DCTN6: variants seen among roughly 807,000 people sequenced by gnomAD.
The protein encoded by DCTN6 is dynactin subunit 6.
A neutral mutation model predicts 25.8 loss-of-function variants in DCTN6; 15 were observed. The ratio of observed to expected loss-of-function variants is 0.58; its 90% CI spans 0.39 to 0.89. The LOEUF (loss-of-function observed/expected upper bound fraction) is 0.89, where lower values mean the gene tolerates loss of function less well. Among genes scored for constraint, DCTN6 ranks in the 40% least tolerant of loss-of-function variants. The pLI is 0.00. For synonymous variants in DCTN6, 64 were observed against 78.3 expected, an observed-to-expected ratio of 0.82 and a Z score of 0.96; for missense variants, 198 against 237.6, an observed-to-expected ratio of 0.83 and a Z score of 1.09.
chr8:30,161,621 T>G (rs1252604387), intron 1 of DCTN6, among the ~76,000 whole-genome samples: 2 of 152,222 alleles, frequency 1.3e-5, no homozygotes, highest in African/African-American at 4.8e-5. Flanking sequence ...TTTTTGTGCT[T>G]CTTCTCATTC....
At chr8:30,162,341 T>C (rs1269217805) in intron 1 of DCTN6, among the ~76,000 whole-genome samples, 2 of 152,158 alleles carry the variant, frequency 1.3e-5, no homozygotes, top group Non-Finnish European at 2.9e-5. Flanking sequence ...TCCACCCACC[T>C]TGGCCTCCCA....
At chr8:30,164,938 C>G (rs913391167) in intron 2 of DCTN6, among the ~76,000 whole-genome samples, 2 of 152,194 alleles carry the variant, frequency 1.3e-5, no homozygotes, top group Non-Finnish European at 2.9e-5. Flanking sequence ...ATGGCTAAGA[C>G]AATCTCATGG....
At chr8:30,172,250 A>G (rs1319711406) in intron 2 of DCTN6, among the ~76,000 whole-genome samples, 3 of 152,194 alleles carry the variant, frequency 2.0e-5, no homozygotes, top group African/African-American at 7.2e-5. Context: ...TTAATATAAA[A>G]TGAGATACTT....
intron 2 of DCTN6, among the ~76,000 whole-genome samples, chr8:30,166,304 G>GT (rs981212198): frequency 3.4e-4 from 47 of 138,534 alleles, no homozygotes; most frequent in East Asian, 8.4e-4. Flanking sequence ...CCCCGTTTTG[G>GT]TTTTTTTTTT....
intron 2 of DCTN6, among the ~76,000 whole-genome samples, chr8:30,169,968 T>C (rs1462827963): frequency 6.6e-6 from 1 of 151,928 alleles, no homozygotes; most frequent in Non-Finnish European, 1.5e-5. Flanking sequence ...AGCTCAAGAG[T>C]TTGAGACCAG....
chr8:30,166,240 C>T (rs573696064), intron 2 of DCTN6, among the ~76,000 whole-genome samples: 1 of 151,854 alleles, frequency 6.6e-6, no homozygotes, highest in South Asian at 2.1e-4. Flanking sequence ...TACTTCTTCC[C>T]CATTTTACAT....
At chr8:30,170,639 T>G (rs1016727079) in intron 2 of DCTN6, among the ~76,000 whole-genome samples, 8 of 152,016 alleles carry the variant, frequency 5.3e-5, no homozygotes, top group African/African-American at 1.9e-4. Context: ...GACTTGGGGT[T>G]GTTTTAATTT....
Position 30,183,401 on chromosome 8 carries a change from T to G in DCTN6, c.*228T>G, listed in dbSNP as rs1054875774. The G allele has an allele frequency of 8.8e-6, 3 of 339,768 alleles. No individual in the cohort carries two copies. Among genetic ancestry groups the G allele is most frequent in the African/African-American group, 6.4e-5 (3 of 46,690 alleles). The allele number at this position is 339,768 out of a possible 1,614,324, so 21.0% of individuals were successfully genotyped here. On this transcript the variant is annotated 3_prime_UTR_variant, in exon 7 of 7. Coordinates refer to ENST00000221114, the MANE Select transcript of DCTN6 (RefSeq NM_006571.4). The stretch of plus-strand genomic sequence containing the variant: ...GGTTCTTTTCTGATAATTTACAGAT[T>G]TAGCTTTTCTTTTGTTATATAAACT...
chr8:30,174,858 G>A (rs564563335), intron 2 of DCTN6, among the ~76,000 whole-genome samples: 9 of 152,328 alleles, frequency 5.9e-5, no homozygotes, highest in African/African-American at 1.7e-4. Context: ...AGCCAGAGCT[G>A]TCTGGCTCTA....
At chr8:30,182,752 G>A (rs1461047554) in intron 6 of DCTN6, among the ~76,000 whole-genome samples, 6 of 151,444 alleles carry the variant, frequency 4.0e-5, no homozygotes, top group South Asian at 2.1e-4. Context: ...GAGTGCAGTG[G>A]TGTAATCATG....
chr8:30,172,887 T>A lies in DCTN6; in HGVS notation c.89-2198T>A, dbSNP rs374224032. On this transcript the variant is annotated intron_variant, in intron 2 of 6. Transcript: ENST00000221114. ...TTTTATATATGTATCTATGTGAATA[T>A]GTGTTATATATGCATATATATTTTT... Among the ~76,000 whole-genome samples the A allele has an allele frequency of 6.0e-4, 91 of 152,328 alleles. 1 individual carries two copies. Among genetic ancestry groups the A allele is most frequent in the African/African-American group, 2.2e-3 (91 of 41,574 alleles).
At chr8:30,162,206 C>G (rs1200990398) in intron 1 of DCTN6, among the ~76,000 whole-genome samples, 2 of 152,174 alleles carry the variant, frequency 1.3e-5, no homozygotes, top group Non-Finnish European at 2.9e-5. Context: ...TCTCCTGCCT[C>G]AGCCTCCCCA....
At chr8:30,166,961 G>A (rs189098252) in intron 2 of DCTN6, among the ~76,000 whole-genome samples, 1 of 151,244 alleles carries the variant, frequency 6.6e-6, no homozygotes, top group East Asian at 1.9e-4. Context: ...GGAAGGGAGG[G>A]AGGAAGGGAA....
At chr8:30,159,057 C>T (rs1225869597) in intron 1 of DCTN6, among the ~76,000 whole-genome samples, 1 of 152,166 alleles carries the variant, frequency 6.6e-6, no homozygotes, top group African/African-American at 2.4e-5. Context: ...GGTGGGATTA[C>T]AGGCGTGAGC....
At chr8:30,161,652 G>A (rs1015757391) in intron 1 of DCTN6, among the ~76,000 whole-genome samples, 2 of 152,210 alleles carry the variant, frequency 1.3e-5, no homozygotes, top group Admixed American at 1.3e-4. Flanking sequence ...AACCTGGGAG[G>A]GGGGAAGAGG....
At chr8:30,165,869 A>T (rs1194520081) in intron 2 of DCTN6, 4 of 149,084 alleles carry the variant, frequency 2.7e-5, no homozygotes, top group Non-Finnish European at 4.5e-5. Flanking sequence ...CTCAGAAAAA[A>T]AAAAAAAGAA....
chr8:30,171,708 G>GGTC (rs1803766756), intron 2 of DCTN6, among the ~76,000 whole-genome samples: 1 of 152,160 alleles, frequency 6.6e-6, no homozygotes, highest in South Asian at 2.1e-4. Context: ...ATTTTCTTCT[G>GGTC]TGTCCCAGAC....
In DCTN6 at chr8:30,156,507, G is replaced by A; in HGVS notation, c.23+101G>A. ...GCGACTCAGAAGGTGTCTCATCCTG[G>A]GCATTCGGGCCGAAGGTACCTGAAG... On this transcript the variant is annotated intron_variant, in intron 1 of 6. Coordinates refer to ENST00000221114, the MANE Select transcript of DCTN6 (RefSeq NM_006571.4). 7.1e-6 allele frequency: 10 copies of A among 1,403,494 alleles called. No individual in the cohort carries two copies. The South Asian group carries it at 1.1e-4, about 16-fold the overall frequency. 86.9% of individuals were successfully genotyped at this position (1,403,494 alleles called of 1,614,324 possible).
rs985851631 is a variant in DCTN6, at chr8:30,176,494, A to G, written c.195-632A>G. The G allele has an allele frequency of 4.6e-5, 7 of 152,292 alleles. No individual in the cohort carries two copies. In the East Asian group the frequency reaches 1.4e-3, roughly 30 times the overall value. 9.4% of individuals were successfully genotyped at this position (152,292 alleles called of 1,614,324 possible). A position where few individuals can be genotyped will look rare whatever the true frequency, so the allele number is the denominator to read the frequency against. ...GGTTGCAGTGAGCCAAGATCGTGCC[A>G]CTGCACTCCAGCTTGGGGGACACAG... On this transcript the variant is annotated intron_variant, in intron 3 of 6. Coordinates refer to ENST00000221114, the MANE Select transcript of DCTN6 (RefSeq NM_006571.4).
Sources: gnomAD v4.1 joint callset for allele counts (sites outside exome capture counted in the v4.1 genomes callset) on GRCh38, gnomAD v4.1.1 for gene constraint, MANE v1.5 for transcripts, NCBI Gene and HGNC (gene_info 2026-07-23, HGNC 2026-07-21) for gene names.